The following CAMSAP1 variants were observed in gnomAD, a reference collection of about 807,000 sequenced individuals.
The protein encoded by CAMSAP1 is calmodulin-regulated spectrin-associated protein 1.
In CAMSAP1, 58 loss-of-function variants were observed where a neutral mutation model predicts 143.5. The observed-to-expected ratio is 0.40, with a 90% CI of 0.33 to 0.50. The LOEUF (loss-of-function observed/expected upper bound fraction) is 0.50, where lower values mean the gene tolerates loss of function less well. Among genes scored for constraint, CAMSAP1 ranks in the 20% least tolerant of loss-of-function variants. The pLI is 0.45. For synonymous variants in CAMSAP1, 945 were observed against 859.3 expected (o/e 1.10, Z -1.74); for missense variants, 1,969 against 2,115.7 (o/e 0.93, Z 1.36).
chr9:135,872,057 G>A (rs867589906), intron 3 of CAMSAP1, among the ~76,000 whole-genome samples: 1 of 151,750 alleles, frequency 6.6e-6, no homozygotes, highest in African/African-American at 2.4e-5. Context: ...CCGAGATCAC[G>A]CCATTGCACT....
chr9:135,851,124 C>T (rs994135039), intron 5 of CAMSAP1, among the ~76,000 whole-genome samples: 4 of 152,192 alleles, frequency 2.6e-5, no homozygotes, highest in Non-Finnish European at 4.4e-5. Context: ...AGTCTAGGCA[C>T]CCTGGTGTGG....
rs55897943 is a variant in CAMSAP1, at chr9:135,822,952, G to A, written c.1709C>T (p.Thr570Ile). Residue 570 changes from threonine to isoleucine, a missense_variant, in exon 11 of 17, where the codon ACA (threonine) becomes ATA (isoleucine). Physicochemically the swap from Thr to Ile is moderately conservative, Grantham distance 89. Transcript: ENST00000389532. The surrounding 1 kb of genome is among the most constrained non-coding windows in gnomAD (Gnocchi z 6.1). ...TCCTTGGGGAGACCGGGCATTTGCT[G>A]TAAGGCCTAAGGCCCGGGGTGAGGC... ...PRASPRALGL[T>I]ANARSPQGQL... The A allele has an allele frequency of 1.1e-4, 182 of 1,613,966 alleles. No homozygotes were observed. Among genetic ancestry groups the A allele is most frequent in the Non-Finnish European group, 1.4e-4 (161 of 1,179,884 alleles).
At position 135,850,129 on chromosome 9, in the gene CAMSAP1, T is replaced by C. The variant is rs1836720763; in HGVS notation, c.1045+8A>G. The C allele has an allele frequency of 6.2e-7, 1 of 1,600,090 alleles. No individual in the cohort carries two copies. Among genetic ancestry groups the C allele is most frequent in the South Asian group, 1.1e-5 (1 of 88,106 alleles). ...CCATTGCCAACCTGGGGAATATCTG[T>C]CACTCACCGTCTTTCAGCTCCTGAA... On this transcript the variant is annotated splice_region_variant and intron_variant, in intron 7 of 16. Coordinates refer to ENST00000389532, the MANE Select transcript of CAMSAP1 (RefSeq NM_015447.4).
chr9:135,816,548 C>CG (rs1835236003), intron 14 of CAMSAP1, among the ~76,000 whole-genome samples: 1 of 152,204 alleles, frequency 6.6e-6, no homozygotes, highest in South Asian at 2.1e-4. Context: ...TCAGAGATGT[C>CG]GGCTGCTGCT....
intron 7 of CAMSAP1, among the ~76,000 whole-genome samples, chr9:135,844,504 G>T (rs1443299599): frequency 6.6e-6 from 1 of 152,182 alleles, no homozygotes; most frequent in Admixed American, 6.5e-5. Flanking sequence ...AAGCTGGAAA[G>T]ATCTGAAATT....
chr9:135,823,381 T>A, intron 10 of CAMSAP1, 121 bp from the exon 11 acceptor site: 1 of 1,094,956 alleles, frequency 9.1e-7, no homozygotes, highest in Non-Finnish European at 1.3e-6. Flanking sequence ...GCAGGAGATT[T>A]AAACTCACTC....
rs1362108405 is a variant in CAMSAP1 at position 135,893,333 on chromosome 9, AAAC to A, written c.161-10258_161-10256del. ...AAAGAAAAGAAAAGGAGAAAGGAAA[AAAC>A]AAAAAAGAAAAAGAAAAGGCAGGAA... On this transcript the variant is annotated intron_variant, in intron 1 of 16. Transcript: ENST00000389532. 4.6e-5 allele frequency among the ~76,000 whole-genome samples: 7 copies of A among 151,910 alleles called. No individual in the cohort carries two copies. The East Asian group carries it at 9.6e-4, about 21-fold the overall frequency.
intron 7 of CAMSAP1, among the ~76,000 whole-genome samples, chr9:135,842,707 A>G (rs542687147): frequency 1.3e-5 from 2 of 152,344 alleles, no homozygotes; most frequent in Non-Finnish European, 1.5e-5. Flanking sequence ...AAAGAAAAGA[A>G]TTTTCAACCC....
rs566941696 is a variant in CAMSAP1 at position 135,889,386 on chromosome 9, C to A, written c.161-6308G>T. 3.9e-5 allele frequency among the ~76,000 whole-genome samples: 6 copies of A among 152,316 alleles called. 1 individual carries two copies. The South Asian group carries it at 1.2e-3, about 32-fold the overall frequency. Reference sequence around the variant, plus strand: ...AAAAAAGAAAGACCCACAGGAAAACCTGCAACTTCCAGGAGAAAAGGCAAT... The same window carrying A: ...AAAAAAGAAAGACCCACAGGAAAACATGCAACTTCCAGGAGAAAAGGCAAT... On this transcript the variant is annotated intron_variant, in intron 1 of 16. Transcript: ENST00000389532.
In CAMSAP1 at chr9:135,850,216, A is replaced by C. The variant is rs896206921; in HGVS notation, c.966T>G (p.Phe322Leu). Reference protein sequence around the residue: ...PLVLKPNVMVFIAELFWWFEN... With the variant: ...PLVLKPNVMVLIAELFWWFEN... The stretch of plus-strand genomic sequence containing the variant: ...CGAACCACCAAAAAAGCTCCGCAAT[A>C]AAAACCATAACATTCGGCTAAAAGA... Residue 322 changes from phenylalanine to leucine, a missense_variant, in exon 7 of 17, where the codon TTT becomes TTG. By Grantham distance (22) the Phe-to-Leu change is conservative. Coordinates refer to ENST00000389532, the MANE Select transcript of CAMSAP1 (RefSeq NM_015447.4). 1 of 1,613,190 alleles carries C rather than the reference A, an allele frequency of 6.2e-7. No individual in the cohort carries two copies. Among genetic ancestry groups the C allele is most frequent in the African/African-American group, 1.3e-5 (1 of 74,938 alleles).
chr9:135,881,835 C>T (rs1257327592), intron 2 of CAMSAP1, 41 bp from the exon 3 acceptor site: 9 of 1,545,286 alleles, frequency 5.8e-6, no homozygotes, highest in Non-Finnish European at 7.9e-6. Context: ...CAAACCCACC[C>T]CTCTTACCAG....
chr9:135,865,357 G>T, intron 4 of CAMSAP1: 1 of 1,550,698 alleles, frequency 6.4e-7, no homozygotes, highest in Non-Finnish European at 8.7e-7. Flanking sequence ...ATACCACTTG[G>T]AGGGAGACTG....
chr9:135,827,802 GAGA>G (rs544599347), intron 7 of CAMSAP1, among the ~76,000 whole-genome samples: 84 of 152,342 alleles, frequency 5.5e-4, no homozygotes, highest in Non-Finnish European at 1.0e-3. Flanking sequence ...CAACACAGAT[GAGA>G]AGAAGAACTG....
intron 7 of CAMSAP1, among the ~76,000 whole-genome samples, chr9:135,832,372 A>T (rs992207969): frequency 3.9e-5 from 6 of 152,166 alleles, no homozygotes; most frequent in East Asian, 1.9e-4. Flanking sequence ...TTCATGATTT[A>T]AAAAAAACAA....
intron 7 of CAMSAP1, among the ~76,000 whole-genome samples, chr9:135,839,853 G>T (rs1300788771): frequency 6.6e-6 from 1 of 151,926 alleles, no homozygotes; most frequent in Non-Finnish European, 1.5e-5. Flanking sequence ...ACCACAGATG[G>T]AAAAGGGGAA....
chr9:135,811,408 G>C lies in CAMSAP1; in HGVS notation c.4710C>G (p.Ala1570=), dbSNP rs1835045593. The change falls in exon 17 of 17, where the codon GCC becomes GCG. Residue 1570 remains alanine (A), a synonymous_variant. Transcript: ENST00000389532. This position sits in a 1 kb window ranked among gnomAD's most constrained non-coding sequence, Gnocchi z 4.9. Reference sequence around the variant, plus strand: ...CGTCCACACTGACAGACATGGTTTTGGCTGGGATCAAGTTAAACTGTTTTC... The same window carrying C: ...CGTCCACACTGACAGACATGGTTTTCGCTGGGATCAAGTTAAACTGTTTTC... ...SDRKQFNLIP[A]KTMSVSVDAL... 1 of 1,612,778 alleles carries C rather than the reference G, an allele frequency of 6.2e-7. No individual in the cohort carries two copies. Among genetic ancestry groups the C allele is most frequent in the South Asian group, 1.1e-5 (1 of 90,800 alleles).
At chr9:135,881,527 T>G in intron 3 of CAMSAP1, 106 bp downstream of exon 3, 1 of 1,291,384 alleles carries the variant, frequency 7.7e-7, no homozygotes, top group Admixed American at 2.1e-5. Context: ...TGGTCCCAAA[T>G]GAAGGGCTGG....
chr9:135,827,321 A>G (rs1835709592), intron 8 of CAMSAP1, 86 bp downstream of exon 8: 1 of 1,285,746 alleles, frequency 7.8e-7, no homozygotes, highest in Non-Finnish European at 1.0e-6. Flanking sequence ...TATTTTAAAA[A>G]AGGTAACTTC....
In CAMSAP1 at chr9:135,827,209, G is replaced by C. The variant is rs113851414; in HGVS notation, c.1223+198C>G. On this transcript the variant is annotated intron_variant, in intron 8 of 16. Coordinates refer to ENST00000389532, the MANE Select transcript of CAMSAP1 (RefSeq NM_015447.4). ...TCAGAATTAGGTACACATCCCTGAA[G>C]GAACTTCCTGCTAGTATCATTCCCG... Among the ~76,000 whole-genome samples the C allele has an allele frequency of 1.7e-3, 254 of 152,332 alleles. 1 individual carries two copies. The highest frequency in any genetic ancestry group is 0.01 in the Middle Eastern group (3 of 294).
Sources: gnomAD v4.1 joint callset for allele counts (sites outside exome capture counted in the v4.1 genomes callset) on GRCh38, gnomAD v4.1.1 for gene constraint, Gnocchi (gnomAD v3.1) non-coding constraint, MANE v1.5 for transcripts, NCBI Gene and HGNC (gene_info 2026-07-23, HGNC 2026-07-21) for gene names.